RHBDD3: variants seen among roughly 807,000 people sequenced by gnomAD.
RHBDD3 encodes rhomboid domain-containing protein 3.
A neutral mutation model predicts 32.3 loss-of-function variants in RHBDD3; 34 were observed. The ratio of observed to expected loss-of-function variants is 1.05; its 90% CI spans 0.80 to 1.40. The LOEUF (loss-of-function observed/expected upper bound fraction) is 1.40. RHBDD3 is among the 40% of genes most tolerant of loss of function. The pLI, the probability that RHBDD3 is intolerant of heterozygous loss-of-function variation, is 0.00. For missense variants in RHBDD3, 482 were observed against 492.6 expected, an observed-to-expected ratio of 0.98 and a Z score of 0.20; for synonymous variants, 249 against 239.1, an observed-to-expected ratio of 1.04 and a Z score of -0.38.
At chr22:29,261,291 C>T (rs1157217604) in intron 4 of RHBDD3, 13 of 478,508 alleles carry the variant, frequency 2.7e-5, no homozygotes, top group South Asian at 1.5e-4. Flanking sequence ...CTGTTTTCCC[C>T]GATAGGTATG....
At chr22:29,261,063 CA>C in intron 4 of RHBDD3, 199 bp from the exon 5 acceptor site, 1 of 640,338 alleles carries the variant, frequency 1.6e-6, no homozygotes, top group Admixed American at 3.0e-5. Context: ...TGAAGCTACT[CA>C]GCCAAACAGA....
In RHBDD3 at chr22:29,265,543, C is replaced by A. The variant is rs753825130; in HGVS notation, c.84G>T (p.Leu28=). ...SSVLMLLMST[L]WLVGAGPGLV... ...GGCCGGGGCCGGCCCCCACCAGCCA[C>A]AGGGTGCTCATCAGCAGCATCAGGA... Residue 28 remains leucine (L), a synonymous_variant, in exon 3 of 7, where the codon CTG becomes CTT. Transcript: ENST00000216085. 8 of 1,585,482 alleles carry A rather than the reference C, an allele frequency of 5.0e-6. No homozygotes were observed. In the Admixed American group the frequency reaches 1.5e-4, roughly 29 times the overall value.
rs2058113330 is a variant in RHBDD3 at position 29,261,168 on chromosome 22, C to T, written c.533-304G>A. 7.0e-6 allele frequency: 4 copies of T among 569,936 alleles called. No homozygotes were observed. The African/African-American group carries it at 7.4e-5, about 11-fold the overall frequency. The allele number at this position is 569,936 out of a possible 1,614,324, so 35.3% of individuals were successfully genotyped here. The stretch of plus-strand genomic sequence containing the variant: ...CTTTTCAGGTCTGTAACTCAAGACC[C>T]ACCCGTCCTGGAAGAAGTCCCATGG... On this transcript the variant is annotated intron_variant, in intron 4 of 6. Transcript: ENST00000216085.
chr22:29,267,900 C>T lies in RHBDD3; in HGVS notation c.-347G>A. On this transcript the variant is annotated 5_prime_UTR_variant, in exon 1 of 7. Transcript: ENST00000216085. The stretch of plus-strand genomic sequence containing the variant: ...CCGACCGGCTGGCGCGCCACCCATT[C>T]CCCGCGGCCCGCGGATTAGTCAGCA... 4.3e-6 allele frequency: 1 copy of T among 234,950 alleles called. No individual in the cohort carries two copies. Among genetic ancestry groups the T allele is most frequent in the Non-Finnish European group, 8.5e-6 (1 of 117,308 alleles). The allele number at this position is 234,950 out of a possible 1,614,324, so 14.6% of individuals were successfully genotyped here.
At position 29,260,215 on chromosome 22, in the gene RHBDD3, C is replaced by T. The variant is rs2058093762; in HGVS notation, c.1006G>A (p.Gly336Ser). Residue 336 changes from glycine to serine, a missense_variant, in exon 7 of 7, where the codon GGC (glycine) becomes AGC (serine). Coordinates refer to ENST00000216085, the MANE Select transcript of RHBDD3 (RefSeq NM_012265.3). ...SLRLQQLERM[G>S]FPTEQAVVAL... ...ACCACCGCCTGCTCCGTAGGGAAGCCCATGCGCTCCAGCTGCTGCAGCCTG... is the reference window on the plus strand; with the variant it reads ...ACCACCGCCTGCTCCGTAGGGAAGCTCATGCGCTCCAGCTGCTGCAGCCTG... 1 of 1,599,316 alleles carries T rather than the reference C, an allele frequency of 6.3e-7. No individual in the cohort carries two copies. The highest frequency in any genetic ancestry group is 2.3e-5 in the East Asian group (1 of 44,306).
chr22:29,263,776 A>C, intron 4 of RHBDD3, 59 bp downstream of exon 4: 4 of 1,459,376 alleles, frequency 2.7e-6, no homozygotes, highest in Non-Finnish European at 3.6e-6. Context: ...CTTCCTTCCC[A>C]GGCACCCACC....
At chr22:29,266,313 G>C (rs1239478726) in intron 2 of RHBDD3, among the ~76,000 whole-genome samples, 1 of 152,122 alleles carries the variant, frequency 6.6e-6, no homozygotes, top group Non-Finnish European at 1.5e-5. Flanking sequence ...TTTCTGCTCT[G>C]TGTCCTGAGG....
chr22:29,261,483 A>G, intron 4 of RHBDD3: 1 of 378,168 alleles, frequency 2.6e-6, no homozygotes, highest in South Asian at 1.9e-5. Flanking sequence ...AATCTCAGCT[A>G]CTCAAGTGGC....
intron 3 of RHBDD3, chr22:29,264,460 T>A: frequency 9.2e-6 from 12 of 1,301,408 alleles, no homozygotes; most frequent in Non-Finnish European, 1.2e-5. Flanking sequence ...CCACTCAGTC[T>A]TTTCACTGAC....
At position 29,259,981 on chromosome 22, in the gene RHBDD3, G is replaced by A; in HGVS notation, c.*79C>T. On this transcript the variant is annotated 3_prime_UTR_variant, in exon 7 of 7. Transcript: ENST00000216085. ...TCCCCACTGTGGCCCTCTTTAGACAGAGTAGGAGCTCGGGCTACCCACATG... is the reference window on the plus strand; with the variant it reads ...TCCCCACTGTGGCCCTCTTTAGACAAAGTAGGAGCTCGGGCTACCCACATG... 6.9e-7 allele frequency: 1 copy of A among 1,441,328 alleles called. No individual in the cohort carries two copies. Among genetic ancestry groups the A allele is most frequent in the East Asian group, 2.5e-5 (1 of 40,368 alleles). 89.3% of individuals were successfully genotyped at this position (1,441,328 alleles called of 1,614,324 possible).
At position 29,265,591 on chromosome 22, in the gene RHBDD3, TG is replaced by T; in HGVS notation, c.35del (p.Pro12GlnfsTer10). The T allele has an allele frequency of 1.3e-6, 2 of 1,591,814 alleles. No homozygotes were observed. The highest frequency in any genetic ancestry group is 1.7e-6 in the Non-Finnish European group (2 of 1,171,838). On this transcript the variant is annotated frameshift_variant, in exon 3 of 7. Transcript: ENST00000216085. LOFTEE classifies it high-confidence loss of function. Reference protein sequence around the residue: ...HARGPHGQLSPALPLASSVLM... With the variant: ...HARGPHGQLSXALPLASSVLM... The stretch of plus-strand genomic sequence containing the variant: ...GGACTGAGGAGGCCAGAGGCAGTGC[TG>T]GGGACAGTTGGCCATGGGGGCCCCT...
chr22:29,261,081 T>C, intron 4 of RHBDD3: 1 of 612,506 alleles, frequency 1.6e-6, no homozygotes, highest in Non-Finnish European at 2.9e-6. Context: ...CAGAGCCAGG[T>C]ATGCCTCACC....
chr22:29,260,778 C>T lies in RHBDD3; in HGVS notation c.619G>A (p.Gly207Arg), dbSNP rs748730039. 2 of 1,604,970 alleles carry T rather than the reference C, an allele frequency of 1.2e-6. No homozygotes were observed. Among genetic ancestry groups the T allele is most frequent in the Admixed American group, 3.4e-5 (2 of 58,886 alleles). ...QEGVLCRTLA[G>R]CWPLRLLATP... is the part of the protein sequence containing the mutation. ...GCAAGGAGCCTCAGGGGCCAGCACCCCGCCAAGGTCCTGCACAAGACGCCC... is the reference window on the plus strand; with the variant it reads ...GCAAGGAGCCTCAGGGGCCAGCACCTCGCCAAGGTCCTGCACAAGACGCCC... The change falls in exon 5 of 7, where the codon GGG becomes AGG. Residue 207 changes from glycine to arginine, a missense_variant. Transcript: ENST00000216085.
chr22:29,265,545 G>C lies in RHBDD3; in HGVS notation c.82C>G (p.Leu28Val). ...SSVLMLLMSTLWLVGAGPGLV... is the reference protein window; with the variant it reads ...SSVLMLLMSTVWLVGAGPGLV... The stretch of plus-strand genomic sequence containing the variant: ...CCGGGGCCGGCCCCCACCAGCCACA[G>C]GGTGCTCATCAGCAGCATCAGGACT... The change falls in exon 3 of 7, where the codon CTG becomes GTG. Residue 28 changes from leucine to valine, a missense_variant. Transcript: ENST00000216085. 6.3e-7 allele frequency: 1 copy of C among 1,586,020 alleles called. No individual in the cohort carries two copies. Among genetic ancestry groups the C allele is most frequent in the Non-Finnish European group, 8.5e-7 (1 of 1,169,934 alleles).
At chr22:29,265,427 G>A (rs1452639820) in intron 3 of RHBDD3, 52 bp downstream of exon 3, 1 of 1,439,014 alleles carries the variant, frequency 6.9e-7, no homozygotes, top group Non-Finnish European at 9.2e-7. Flanking sequence ...GTGGGCCCAG[G>A]CCCTACAGCA....
intron 4 of RHBDD3, among the ~76,000 whole-genome samples, chr22:29,262,191 A>G (rs1019975311): frequency 1.7e-5 from 2 of 119,752 alleles, no homozygotes; most frequent in East Asian, 5.1e-4. Context: ...CCCAGGCTGG[A>G]GGGCAGTGGT....
At chr22:29,261,600 T>C (rs1353850765) in intron 4 of RHBDD3, among the ~76,000 whole-genome samples, 1 of 151,606 alleles carries the variant, frequency 6.6e-6, no homozygotes, top group East Asian at 1.9e-4. Context: ...TCTCTAAAAA[T>C]TAAAAAAAAA....
chr22:29,265,381 G>T, intron 3 of RHBDD3, 98 bp downstream of exon 3: 1 of 1,011,096 alleles, frequency 9.9e-7, no homozygotes, highest in Non-Finnish European at 1.4e-6. Flanking sequence ...CCCCATCCCT[G>T]TTTGACCCCT....
intron 3 of RHBDD3, 95 bp from the exon 4 acceptor site, chr22:29,264,313 C>G: frequency 7.0e-7 from 1 of 1,435,178 alleles, no homozygotes; most frequent in Non-Finnish European, 9.2e-7. Flanking sequence ...TACACCAGGG[C>G]CACCTGCTGA....
Sources: gnomAD v4.1 joint callset for allele counts (sites outside exome capture counted in the v4.1 genomes callset) on GRCh38, gnomAD v4.1.1 for gene constraint, MANE v1.5 for transcripts, NCBI Gene and HGNC (gene_info 2026-07-23, HGNC 2026-07-21) for gene names.